The following SYT2 variants were observed in gnomAD, a reference collection of about 807,000 sequenced individuals.
SYT2 encodes synaptotagmin 2.
SYT2 carries 15 observed loss-of-function variants against 39.9 expected under a neutral mutation model. The ratio of observed to expected loss-of-function variants is 0.38; its 90% CI spans 0.25 to 0.58. SYT2 has a LOEUF of 0.58. SYT2 is among the 20% of genes least tolerant of loss of function. The probability of loss-of-function intolerance (pLI) is 0.70; values close to 1 mark genes in which losing one functional copy is unlikely to be tolerated. For missense variants in SYT2, 389 were observed against 530.3 expected (o/e 0.73, Z 2.62); for synonymous variants, 181 against 204.5 (o/e 0.89, Z 0.98).
In SYT2 at chr1:202,599,194, C is replaced by T; in HGVS notation, c.1053+24G>A. 6.2e-7 allele frequency: 1 copy of T among 1,611,948 alleles called. No individual in the cohort carries two copies. The highest frequency in any genetic ancestry group is 8.5e-7 in the Non-Finnish European group (1 of 1,179,164). On this transcript the variant is annotated intron_variant, in intron 8 of 8. Coordinates refer to ENST00000367268, the MANE Select transcript of SYT2 (RefSeq NM_177402.5). This position sits in a 1 kb window ranked among gnomAD's most constrained non-coding sequence, Gnocchi z 4.4. ...TTGCCTCCCCAAACCCTGCTCCATGCCTAGGAACCCAGGGCTCCAGCACCT... is the reference window on the plus strand; with the variant it reads ...TTGCCTCCCCAAACCCTGCTCCATGTCTAGGAACCCAGGGCTCCAGCACCT...
chr1:202,684,509 T>A (rs1653610135), intron 1 of SYT2, among the ~76,000 whole-genome samples: 1 of 152,234 alleles, frequency 6.6e-6, no homozygotes, highest in Non-Finnish European at 1.5e-5. Context: ...CCATCGTGTA[T>A]ATGCGCCATA....
rs190895131 is a variant in SYT2 at position 202,687,401 on chromosome 1, A to T, written c.-18+22857T>A. 3.3e-5 allele frequency among the ~76,000 whole-genome samples: 5 copies of T among 152,054 alleles called. No individual in the cohort carries two copies. The East Asian group carries it at 9.7e-4, about 29-fold the overall frequency. The stretch of plus-strand genomic sequence containing the variant: ...TCTACGTGAGTTACTCTCACTCTCT[A>T]TCATGTTGCTCAGAGACAGAGCAGA... On this transcript the variant is annotated intron_variant, in intron 1 of 8. Transcript: ENST00000367268.
intron 1 of SYT2, among the ~76,000 whole-genome samples, chr1:202,700,925 G>A (rs1406162688): frequency 6.6e-6 from 1 of 152,190 alleles, no homozygotes; most frequent in African/African-American, 2.4e-5. Context: ...GCTGCAGTGG[G>A]GAATCTGAAA....
chr1:202,606,492 C>G (rs6700295), intron 1 of SYT2, among the ~76,000 whole-genome samples: 66,053 of 152,038 alleles, frequency 0.43, 16,286 homozygotes, highest in Non-Finnish European at 0.55. Flanking sequence ...CTCTCCTCAT[C>G]CCTGACTCCA....
intron 1 of SYT2, among the ~76,000 whole-genome samples, chr1:202,607,950 A>G (rs12029155): frequency 0.43 from 66,112 of 151,992 alleles, 16,309 homozygotes; most frequent in Non-Finnish European, 0.56. Context: ...TACACAGTTC[A>G]GTGCATTTTA....
chr1:202,692,145 G>A (rs1653852766), intron 1 of SYT2, among the ~76,000 whole-genome samples: 3 of 152,094 alleles, frequency 2.0e-5, no homozygotes, highest in Admixed American at 2.0e-4. Flanking sequence ...GACAGAGGGA[G>A]GGAGGGAGAG....
At chr1:202,597,644 A>T (rs1029854631) in intron 8 of SYT2, among the ~76,000 whole-genome samples, 4 of 151,946 alleles carry the variant, frequency 2.6e-5, no homozygotes, top group Non-Finnish European at 5.9e-5. Context: ...GCAGTAGGGG[A>T]CTCCTGACGA....
chr1:202,603,998 G>A (rs1690612577), intron 3 of SYT2, among the ~76,000 whole-genome samples: 1 of 152,162 alleles, frequency 6.6e-6, no homozygotes, highest in Non-Finnish European at 1.5e-5. Flanking sequence ...ATTATGATAT[G>A]ATTAATGATG....
At chr1:202,669,148 T>C (rs1423694674) in intron 1 of SYT2, among the ~76,000 whole-genome samples, 2 of 152,234 alleles carry the variant, frequency 1.3e-5, no homozygotes, top group African/African-American at 4.8e-5. Flanking sequence ...GTCACATAAC[T>C]AGACAAAATC....
chr1:202,600,481 A>G lies in SYT2; in HGVS notation c.802-7T>C, dbSNP rs769477916. The G allele has an allele frequency of 1.2e-6, 2 of 1,613,812 alleles. No individual in the cohort carries two copies. Among genetic ancestry groups the G allele is most frequent in the Non-Finnish European group, 1.7e-6 (2 of 1,179,692 alleles). On this transcript the variant is annotated splice_region_variant and splice_polypyrimidine_tract_variant and intron_variant, in intron 6 of 8. Coordinates refer to ENST00000367268, the MANE Select transcript of SYT2 (RefSeq NM_177402.5). ...TGTCGCCCAGCTTCTCCGGCTGTCCAGGGGAAGAGCAGGACTTGGGTCATC... is the reference window on the plus strand; with the variant it reads ...TGTCGCCCAGCTTCTCCGGCTGTCCGGGGGAAGAGCAGGACTTGGGTCATC...
At chr1:202,613,998 G>A (rs1368751368) in intron 1 of SYT2, among the ~76,000 whole-genome samples, 1 of 152,186 alleles carries the variant, frequency 6.6e-6, no homozygotes, top group Non-Finnish European at 1.5e-5. Flanking sequence ...CAATAAATGT[G>A]GGTTGGATGT....
chr1:202,636,791 A>G (rs961648401), intron 1 of SYT2, among the ~76,000 whole-genome samples: 2 of 152,252 alleles, frequency 1.3e-5, no homozygotes, highest in Non-Finnish European at 2.9e-5. Context: ...GTAAATAGTC[A>G]TACATTAAAT....
intron 1 of SYT2, among the ~76,000 whole-genome samples, chr1:202,615,922 C>T (rs1165759612): frequency 6.6e-6 from 1 of 152,156 alleles, no homozygotes; most frequent in African/African-American, 2.4e-5. Flanking sequence ...CTGTGGTATT[C>T]ACCTGGCAAA....
chr1:202,602,610 C>A, intron 4 of SYT2, 65 bp from the exon 5 acceptor site: 1 of 1,511,956 alleles, frequency 6.6e-7, no homozygotes. Context: ...CAACTGGCCC[C>A]AGACCCAGCA....
rs1182797585 is a variant in SYT2, at chr1:202,628,392, G to A, written c.-17-22603C>T. Among the ~76,000 whole-genome samples the A allele has an allele frequency of 6.6e-6, 1 of 152,152 alleles. No homozygotes were observed. The highest frequency in any genetic ancestry group is 6.5e-5 in the Admixed American group (1 of 15,278). On this transcript the variant is annotated intron_variant, in intron 1 of 8. Transcript: ENST00000367268. This position sits in a 1 kb window ranked among gnomAD's most constrained non-coding sequence, Gnocchi z 4.2. ...GAGCTGGGAGCCAGCATCCCAGGCA[G>A]GGAGCCAGCCAAAGAAGGTGCAGTC...
chr1:202,659,724 G>C (rs1318831191), intron 1 of SYT2, among the ~76,000 whole-genome samples: 2 of 152,182 alleles, frequency 1.3e-5, no homozygotes, highest in African/African-American at 4.8e-5. Flanking sequence ...TCTAATGTTG[G>C]GTCTCTCTTG....
At position 202,605,575 on chromosome 1, in the gene SYT2, C is replaced by A. The variant is rs1690675127; in HGVS notation, c.178+20G>T. On this transcript the variant is annotated intron_variant, in intron 2 of 8. Coordinates refer to ENST00000367268, the MANE Select transcript of SYT2 (RefSeq NM_177402.5). ...AGACTCTAGCCTTGCCCCACCCTCT[C>A]AGCCACCAGAGACACTCACAGGGAA... is the stretch of plus-strand genomic sequence containing the variant. 6.2e-7 allele frequency: 1 copy of A among 1,608,822 alleles called. No homozygotes were observed. The highest frequency in any genetic ancestry group is 8.5e-7 in the Non-Finnish European group (1 of 1,175,594).
At chr1:202,679,176 C>T (rs1234436758) in intron 1 of SYT2, among the ~76,000 whole-genome samples, 2 of 152,180 alleles carry the variant, frequency 1.3e-5, no homozygotes, top group African/African-American at 4.8e-5. Context: ...AAGCTGGTCC[C>T]ACTGGTGTCA....
chr1:202,650,440 G>GTT (rs1283494428), intron 1 of SYT2, among the ~76,000 whole-genome samples: 7 of 136,486 alleles, frequency 5.1e-5, no homozygotes, highest in Non-Finnish European at 6.1e-5. Flanking sequence ...ATATGCTTTT[G>GTT]TTTTTTTTTT....
Sources: gnomAD v4.1 joint callset for allele counts (sites outside exome capture counted in the v4.1 genomes callset) on GRCh38, gnomAD v4.1.1 for gene constraint, Gnocchi (gnomAD v3.1) non-coding constraint, MANE v1.5 for transcripts, NCBI Gene and HGNC (gene_info 2026-07-23, HGNC 2026-07-21) for gene names.